Variants in ERI3 observed in about 807,000 individuals in gnomAD.
The protein encoded by ERI3 is ERI1 exoribonuclease 3.
ERI3 carries 18 observed loss-of-function variants against 44.4 expected under a neutral mutation model. The ratio of observed to expected loss-of-function variants is 0.41; its 90% CI spans 0.28 to 0.60. ERI3 has a LOEUF of 0.60. Among genes scored for constraint, ERI3 ranks in the 20% least tolerant of loss-of-function variants. The probability of loss-of-function intolerance (pLI) is 0.36; values close to 1 mark genes in which losing one functional copy is unlikely to be tolerated. For synonymous variants in ERI3, 183 were observed against 164.8 expected, an observed-to-expected ratio of 1.11 and a Z score of -0.84; for missense variants, 294 against 435.5, an observed-to-expected ratio of 0.68 and a Z score of 2.89.
chr1:44,322,235 T>C (rs1043720430), intron 3 of ERI3, among the ~76,000 whole-genome samples: 3 of 152,194 alleles, frequency 2.0e-5, no homozygotes, highest in African/African-American at 7.2e-5. Flanking sequence ...GGTTTCCGCA[T>C]TGCAGCAAAT....
At chr1:44,318,405 G>C (rs1572266824) in intron 4 of ERI3, among the ~76,000 whole-genome samples, 1 of 152,166 alleles carries the variant, frequency 6.6e-6, no homozygotes, top group Non-Finnish European at 1.5e-5. Context: ...TTTTCAAAAA[G>C]GGCAGAAAAG....
intron 2 of ERI3, among the ~76,000 whole-genome samples, chr1:44,350,803 G>A (rs1300958755): frequency 6.6e-6 from 1 of 150,728 alleles, no homozygotes; most frequent in Admixed American, 6.6e-5. Context: ...TCAGTATCTT[G>A]ACCAGGTTGG....
At chr1:44,299,626 T>C (rs1645682604) in intron 6 of ERI3, among the ~76,000 whole-genome samples, 1 of 152,188 alleles carries the variant, frequency 6.6e-6, no homozygotes, top group Admixed American at 6.5e-5. Flanking sequence ...GGAAAAAAGG[T>C]CTTCCAGCCT....
chr1:44,335,625 G>A (rs553392131), intron 3 of ERI3, among the ~76,000 whole-genome samples: 59 of 151,998 alleles, frequency 3.9e-4, no homozygotes, highest in Non-Finnish European at 7.8e-4. Flanking sequence ...TGGGCATGGT[G>A]GCGCATGCCT....
At chr1:44,248,757 C>A (rs1644609268) in intron 7 of ERI3, among the ~76,000 whole-genome samples, 1 of 151,426 alleles carries the variant, frequency 6.6e-6, no homozygotes, top group African/African-American at 2.4e-5. Context: ...TGCTGAAGGT[C>A]AAGTGCTCAC....
At chr1:44,324,320 T>G (rs1030850464) in intron 3 of ERI3, among the ~76,000 whole-genome samples, 2 of 152,036 alleles carry the variant, frequency 1.3e-5, no homozygotes, top group African/African-American at 4.8e-5. Context: ...GGATTCAAAC[T>G]CAGATATTTC....
intron 4 of ERI3, among the ~76,000 whole-genome samples, chr1:44,314,738 T>C (rs1462779756): frequency 1.3e-5 from 2 of 152,178 alleles, no homozygotes; most frequent in African/African-American, 4.8e-5. Context: ...TCCTTTTATT[T>C]AGTCAACAAC....
chr1:44,339,013 C>G (rs186182389), intron 3 of ERI3, 32 bp downstream of exon 3: 78 of 1,601,474 alleles, frequency 4.9e-5, no homozygotes, highest in South Asian at 4.3e-4. Flanking sequence ...TTGCCCCCCC[C>G]ACCTTTTCTA....
At chr1:44,264,418 A>G (rs527498000) in intron 7 of ERI3, among the ~76,000 whole-genome samples, 36 of 152,282 alleles carry the variant, frequency 2.4e-4, no homozygotes, top group Admixed American at 8.5e-4. Flanking sequence ...ACACAGTTAC[A>G]CAAGTTATCA....
At chr1:44,258,812 A>G (rs919844145) in intron 7 of ERI3, among the ~76,000 whole-genome samples, 1 of 152,140 alleles carries the variant, frequency 6.6e-6, no homozygotes, top group African/African-American at 2.4e-5. Context: ...CCCAGGAAGA[A>G]AGTAAAAACC....
At chr1:44,284,353 C>T (rs1172323776) in intron 7 of ERI3, among the ~76,000 whole-genome samples, 1 of 152,174 alleles carries the variant, frequency 6.6e-6, no homozygotes, top group Non-Finnish European at 1.5e-5. Context: ...GAGCCAGGCT[C>T]TCCTGGAGCA....
At chr1:44,316,179 T>C (rs1404838747) in intron 4 of ERI3, among the ~76,000 whole-genome samples, 1 of 152,194 alleles carries the variant, frequency 6.6e-6, no homozygotes, top group Non-Finnish European at 1.5e-5. Context: ...GGTTAATACA[T>C]GTTTGTAAAA....
At chr1:44,265,398 G>A (rs982314944) in intron 7 of ERI3, among the ~76,000 whole-genome samples, 2 of 152,148 alleles carry the variant, frequency 1.3e-5, no homozygotes, top group Non-Finnish European at 1.5e-5. Context: ...ATCAGAAGTG[G>A]GGAACCAGAA....
intron 7 of ERI3, among the ~76,000 whole-genome samples, chr1:44,278,627 C>T (rs560166289): frequency 1.3e-5 from 2 of 152,234 alleles, no homozygotes; most frequent in East Asian, 1.9e-4. Flanking sequence ...GATGGAGTCT[C>T]GCTCCGTTGC....
chr1:44,342,826 T>TATATATATATATATATATATATATATAA (rs1646688672), intron 2 of ERI3, among the ~76,000 whole-genome samples: 1 of 17,300 alleles, frequency 5.8e-5, no homozygotes, highest in African/African-American at 2.6e-4. Flanking sequence ...TATATATATA[T>TATATATATATATATATATATATATATAA]ATATATATAT....
intron 7 of ERI3, among the ~76,000 whole-genome samples, chr1:44,260,698 T>C (rs992026101): frequency 6.6e-6 from 1 of 152,234 alleles, no homozygotes; most frequent in East Asian, 1.9e-4. Flanking sequence ...AGGTCTCTTC[T>C]TGATCTGAAA....
rs574114975 is a variant in ERI3 at position 44,232,981 on chromosome 1, T to G, written c.932-11341A>C. 1.3e-4 allele frequency among the ~76,000 whole-genome samples: 20 copies of G among 152,320 alleles called. No individual in the cohort carries two copies. The East Asian group carries it at 3.7e-3, about 28-fold the overall frequency. On this transcript the variant is annotated intron_variant, in intron 8 of 8. Coordinates refer to ENST00000372257, the MANE Select transcript of ERI3 (RefSeq NM_024066.3). The stretch of plus-strand genomic sequence containing the variant: ...TGCATGGTCCATCATTTCAGTCTTT[T>G]TCTTGCCAATCCTCAACTCTCTTAT...
intron 7 of ERI3, among the ~76,000 whole-genome samples, chr1:44,282,290 C>T (rs1645306196): frequency 6.6e-6 from 1 of 152,042 alleles, no homozygotes; most frequent in South Asian, 2.1e-4. Flanking sequence ...ACCAAGCAGA[C>T]CAGGACCTTT....
At chr1:44,310,966 CACACACACACA>C (rs1645956542) in intron 5 of ERI3, among the ~76,000 whole-genome samples, 2 of 13,970 alleles carry the variant, frequency 1.4e-4, no homozygotes, top group East Asian at 1.1e-3. Context: ...CGCGCGCGCA[CACACACACACA>C]CACACACACA....
Sources: gnomAD v4.1 joint callset for allele counts (sites outside exome capture counted in the v4.1 genomes callset) on GRCh38, gnomAD v4.1.1 for gene constraint, MANE v1.5 for transcripts, NCBI Gene and HGNC (gene_info 2026-07-23, HGNC 2026-07-21) for gene names.